Variants in DNAAF5 observed in about 807,000 individuals in gnomAD.
DNAAF5 encodes HEAT repeat containing 2.
In DNAAF5, 64 loss-of-function variants were observed where a neutral mutation model predicts 75.8. The ratio of observed to expected loss-of-function variants is 0.84; its 90% CI spans 0.69 to 1.04. DNAAF5 has a LOEUF of 1.04. DNAAF5 is among the 50% of genes least tolerant of loss of function. DNAAF5 has a pLI of 0.00. For synonymous variants in DNAAF5, 657 were observed against 557.2 expected, an observed-to-expected ratio of 1.18 and a Z score of -2.52; for missense variants, 1,269 against 1,178.5, an observed-to-expected ratio of 1.08 and a Z score of -1.12.
At chr7:735,163 A>G (rs1020931923) in intron 2 of DNAAF5, among the ~76,000 whole-genome samples, 4 of 141,472 alleles carry the variant, frequency 2.8e-5, no homozygotes, top group Non-Finnish European at 6.1e-5. Flanking sequence ...GGTGTAGTTC[A>G]TGGTGTAGCT....
intron 1 of DNAAF5, 130 bp downstream of exon 1, chr7:727,445 G>A (rs1490759151): frequency 1.2e-5 from 4 of 346,794 alleles, no homozygotes; most frequent in African/African-American, 6.3e-5. Flanking sequence ...CCAACATCCC[G>A]GACCCCCCAT....
chr7:764,889 G>A lies in DNAAF5; in HGVS notation c.1783+915G>A, dbSNP rs559314499. Among the ~76,000 whole-genome samples, 106 of 152,152 alleles carry A rather than the reference G, an allele frequency of 7.0e-4. 1 individual carries two copies. Among genetic ancestry groups the A allele is most frequent in the African/African-American group, 2.4e-3 (101 of 41,508 alleles). On this transcript the variant is annotated intron_variant, in intron 8 of 12. Coordinates refer to ENST00000297440, the MANE Select transcript of DNAAF5 (RefSeq NM_017802.4). ...AGTTCGAGACCAGCCTGGCCAACAC[G>A]GCAAGAGCTCATCTCTACAAAAAGA...
At chr7:762,571 C>T (rs113991818) in intron 7 of DNAAF5, among the ~76,000 whole-genome samples, 1,845 of 152,110 alleles carry the variant, frequency 0.012, 21 homozygotes, top group Admixed American at 0.022. Flanking sequence ...TGCAGCACAG[C>T]GTTCAGAAGT....
intron 10 of DNAAF5, among the ~76,000 whole-genome samples, chr7:774,742 T>C (rs958443438): frequency 2.6e-5 from 4 of 152,188 alleles, no homozygotes; most frequent in African/African-American, 7.2e-5. Context: ...CCCCACGTCC[T>C]TGGGGCCCAG....
chr7:730,598 A>T (rs1781532713), intron 2 of DNAAF5, among the ~76,000 whole-genome samples: 1 of 152,132 alleles, frequency 6.6e-6, no homozygotes, highest in African/African-American at 2.4e-5. Flanking sequence ...TGGGGCCAGG[A>T]TGGAAGCCCT....
At position 754,904 on chromosome 7, in the gene DNAAF5, C is replaced by A; in HGVS notation, c.1257+83C>A. 2 of 1,088,948 alleles carry A rather than the reference C, an allele frequency of 1.8e-6. No homozygotes were observed. The highest frequency in any genetic ancestry group is 2.6e-6 in the Non-Finnish European group (2 of 757,428). The allele number at this position is 1,088,948 out of a possible 1,614,324, so 67.5% of individuals were successfully genotyped here. Reference sequence around the variant, plus strand: ...CCTCTGTGGTGTGCGGGGCCCGAGGCTGTACTGTAGCCAAGACAGCGTTCC... The same window carrying A: ...CCTCTGTGGTGTGCGGGGCCCGAGGATGTACTGTAGCCAAGACAGCGTTCC... On this transcript the variant is annotated intron_variant, in intron 5 of 12. Coordinates refer to ENST00000297440, the MANE Select transcript of DNAAF5 (RefSeq NM_017802.4). This position sits in a 1 kb window ranked among gnomAD's most constrained non-coding sequence, Gnocchi z 4.8.
At chr7:727,477 T>G in intron 1 of DNAAF5, 162 bp downstream of exon 1, 2 of 244,148 alleles carry the variant, frequency 8.2e-6, no homozygotes, top group Non-Finnish European at 7.0e-6. Context: ...CCCACCCGCC[T>G]GCCCCAAAGC....
chr7:784,966 C>T (rs961189656), intron 12 of DNAAF5, among the ~76,000 whole-genome samples: 1 of 152,050 alleles, frequency 6.6e-6, no homozygotes, highest in African/African-American at 2.4e-5. Context: ...GACCATGCAG[C>T]ATCAGGTCAC....
Position 754,744 on chromosome 7 carries a change from G to A in DNAAF5, c.1180G>A (p.Ala394Thr), listed in dbSNP as rs760446732. The change falls in exon 5 of 13, where the codon GCC becomes ACC. Residue 394 changes from alanine (A) to threonine (T), a missense_variant. Physicochemically the swap from Ala to Thr is moderately conservative, Grantham distance 58. Coordinates refer to ENST00000297440, the MANE Select transcript of DNAAF5 (RefSeq NM_017802.4). This position sits in a 1 kb window ranked among gnomAD's most constrained non-coding sequence, Gnocchi z 4.8. ...PVLLLHAEDHATQHLEVVLRT... is the reference protein window; with the variant it reads ...PVLLLHAEDHTTQHLEVVLRT... ...GCTGCTGCTGCATGCCGAGGACCACGCCACGCAGCACCTGGAGGTCGTCCT... is the reference window on the plus strand; with the variant it reads ...GCTGCTGCTGCATGCCGAGGACCACACCACGCAGCACCTGGAGGTCGTCCT... 18 of 1,613,524 alleles carry A rather than the reference G, an allele frequency of 1.1e-5. No individual in the cohort carries two copies. The highest frequency in any genetic ancestry group is 1.4e-5 in the Non-Finnish European group (17 of 1,180,014).
intron 7 of DNAAF5, among the ~76,000 whole-genome samples, chr7:762,910 G>T (rs556016727): frequency 5.9e-5 from 9 of 152,296 alleles, no homozygotes; most frequent in African/African-American, 2.2e-4. Context: ...CACCGCACCT[G>T]GCCATTATGC....
intron 12 of DNAAF5, among the ~76,000 whole-genome samples, chr7:784,942 C>T (rs1032726038): frequency 2.0e-5 from 3 of 151,346 alleles, no homozygotes; most frequent in Non-Finnish European, 4.4e-5. Flanking sequence ...TCAGGTTCCT[C>T]ATATTCACAT....
intron 4 of DNAAF5, among the ~76,000 whole-genome samples, chr7:752,601 G>A (rs75240896): frequency 1.7e-4 from 24 of 141,642 alleles, no homozygotes; most frequent in South Asian, 4.7e-4. Flanking sequence ...GCCAGGCCAC[G>A]CTTCCCTGGG....
chr7:762,067 T>C (rs1782670351), intron 7 of DNAAF5, among the ~76,000 whole-genome samples, 171 bp downstream of exon 7: 1 of 152,162 alleles, frequency 6.6e-6, no homozygotes, highest in East Asian at 1.9e-4. Context: ...GGGGCAGCTC[T>C]CCAGCTGCCA....
chr7:775,225 C>T (rs754419242), intron 11 of DNAAF5, 63 bp downstream of exon 11: 129 of 1,496,190 alleles, frequency 8.6e-5, no homozygotes, highest in Non-Finnish European at 1.1e-4. Flanking sequence ...TCCCTGGGTT[C>T]CGTTTGCATC....
In DNAAF5 at chr7:746,557, C is replaced by T. The variant is rs142222241; in HGVS notation, c.1024+5092C>T. Among the ~76,000 whole-genome samples, 478 of 139,162 alleles carry T rather than the reference C, an allele frequency of 3.4e-3. 9 individuals carry two copies. The East Asian group carries it at 0.036, about 11-fold the overall frequency. 91.3% of individuals were successfully genotyped at this position (139,162 alleles called of 152,430 possible). A position where few individuals can be genotyped will look rare whatever the true frequency, so the allele number is the denominator to read the frequency against. ...TGTGTCATCCCTTTCCCCCGCCCGC[C>T]GTGCCCAGGCTCTGTGTCGTCCCTT... On this transcript the variant is annotated intron_variant, in intron 4 of 12. Coordinates refer to ENST00000297440, the MANE Select transcript of DNAAF5 (RefSeq NM_017802.4).
intron 7 of DNAAF5, among the ~76,000 whole-genome samples, chr7:763,590 G>A (rs557992527): frequency 1.3e-5 from 2 of 152,328 alleles, no homozygotes; most frequent in African/African-American, 4.8e-5. Flanking sequence ...CAGAGACGGC[G>A]TTGGTGTGAA....
intron 4 of DNAAF5, among the ~76,000 whole-genome samples, chr7:747,059 T>G (rs1278146492): frequency 1.3e-5 from 2 of 152,214 alleles, no homozygotes; most frequent in African/African-American, 4.8e-5. Context: ...TCCTTTCTAG[T>G]TTTTGGCCAT....
At position 786,284 on chromosome 7, in the gene DNAAF5, G is replaced by A. The variant is rs974438832; in HGVS notation, c.*631G>A. On this transcript the variant is annotated 3_prime_UTR_variant, in exon 13 of 13. Transcript: ENST00000297440. ...GATCTAATTGTGGTTGCCCCTATAG[G>A]TAGCAGGAAAGTAAAGTTGCATTTC... 2.0e-5 allele frequency: 3 copies of A among 152,202 alleles called. No individual in the cohort carries two copies. The highest frequency in any genetic ancestry group is 2.1e-4 in the South Asian group (1 of 4,826). The allele number at this position is 152,202 out of a possible 1,614,324, so 9.4% of individuals were successfully genotyped here.
In DNAAF5 at chr7:729,827, CTGTT is replaced by C; in HGVS notation, c.763_766del (p.Phe255MetfsTer69). The C allele has an allele frequency of 6.2e-7, 1 of 1,614,222 alleles. No individual in the cohort carries two copies. Among genetic ancestry groups the C allele is most frequent in the Non-Finnish European group, 8.5e-7 (1 of 1,180,034 alleles). On this transcript the variant is annotated frameshift_variant, in exon 2 of 13. Transcript: ENST00000297440. LOFTEE classifies it high-confidence loss of function. ...CGTGCTTTCCCATTTTGCTCAGCGA[CTGTT>C]TGATGACGTCCCGCAGGTAACTGGT...
Sources: allele counts gnomAD v4.1 joint callset (sites outside exome capture counted in the v4.1 genomes callset), GRCh38; gene constraint gnomAD v4.1.1; non-coding constraint Gnocchi (gnomAD v3.1); transcripts MANE v1.5; gene names NCBI Gene and HGNC (gene_info 2026-07-23, HGNC 2026-07-21).